The following CTNNA3 variants were observed in gnomAD, a reference collection of about 807,000 sequenced individuals.
CTNNA3 encodes catenin alpha 3, also known as catenin alpha-3.
CTNNA3 carries 76 observed loss-of-function variants against 95.7 expected under a neutral mutation model. That is an observed-to-expected ratio of 0.79 (90% CI 0.66 to 0.96). The LOEUF is 0.96. CTNNA3 is among the 40% of genes least tolerant of loss of function. The pLI is 0.00. For missense variants in CTNNA3, 1,191 were observed against 1,089.8 expected, an observed-to-expected ratio of 1.09 and a Z score of -1.31; for synonymous variants, 431 against 374.4, an observed-to-expected ratio of 1.15 and a Z score of -1.74.
intron 13 of CTNNA3, among the ~76,000 whole-genome samples, chr10:66,191,742 T>G (rs1191740066): frequency 6.6e-6 from 1 of 152,140 alleles, no homozygotes; most frequent in Non-Finnish European, 1.5e-5. Context: ...CTATTGAAAA[T>G]GACTCTTCTT....
chr10:67,251,021 A>T (rs1866087643), intron 5 of CTNNA3, among the ~76,000 whole-genome samples: 1 of 152,212 alleles, frequency 6.6e-6, no homozygotes, highest in Non-Finnish European at 1.5e-5. Context: ...CCACATAAAA[A>T]CTTGTACATG....
intron 14 of CTNNA3, among the ~76,000 whole-genome samples, chr10:66,084,600 A>T (rs1415604808): frequency 6.6e-6 from 1 of 152,140 alleles, no homozygotes; most frequent in Non-Finnish European, 1.5e-5. Context: ...AAATTCTTAG[A>T]AAAAGGACTC....
intron 17 of CTNNA3, among the ~76,000 whole-genome samples, chr10:65,929,856 G>C (rs1038464131): frequency 6.6e-6 from 1 of 152,010 alleles, no homozygotes; most frequent in Non-Finnish European, 1.5e-5. Flanking sequence ...GTGAGCCACC[G>C]TGCCTGGCCA....
chr10:67,391,083 G>A (rs1439854239), intron 5 of CTNNA3, among the ~76,000 whole-genome samples: 1 of 150,512 alleles, frequency 6.6e-6, no homozygotes, highest in East Asian at 1.9e-4. Context: ...AGGAAATAAA[G>A]GGTATTCAAT....
At chr10:66,150,631 C>A (rs760878122) in intron 13 of CTNNA3, among the ~76,000 whole-genome samples, 11 of 151,734 alleles carry the variant, frequency 7.2e-5, no homozygotes, top group Non-Finnish European at 1.5e-4. Context: ...TTTATCATTT[C>A]CTTGTGTTGG....
chr10:67,673,573 G>T (rs1311288081), intron 1 of CTNNA3, among the ~76,000 whole-genome samples: 55 of 147,296 alleles, frequency 3.7e-4, no homozygotes, highest in Non-Finnish European at 6.4e-4. Flanking sequence ...AGCATGAAGG[G>T]TTGTTGAATT....
intron 9 of CTNNA3, among the ~76,000 whole-genome samples, chr10:66,735,597 T>C (rs544033713): frequency 6.6e-6 from 1 of 152,274 alleles, no homozygotes; most frequent in South Asian, 2.1e-4. Flanking sequence ...TGATTCACTA[T>C]GGGTCAGTCT....
intron 4 of CTNNA3, among the ~76,000 whole-genome samples, chr10:67,537,632 G>C (rs10997700): frequency 0.11 from 16,056 of 152,004 alleles, 1,709 homozygotes; most frequent in African/African-American, 0.28. Context: ...CCTCCTAATT[G>C]GTTATGAAGG....
At position 67,521,908 on chromosome 10, in the gene CTNNA3, C is replaced by A; in HGVS notation, c.513G>T (p.Gln171His). The A allele has an allele frequency of 6.2e-7, 1 of 1,613,000 alleles. No homozygotes were observed. Among genetic ancestry groups the A allele is most frequent in the Non-Finnish European group, 8.5e-7 (1 of 1,179,210 alleles). The change falls in exon 5 of 18, where the codon CAG becomes CAT. Residue 171 changes from glutamine to histidine, a missense_variant. Transcript: ENST00000433211. ...CCTTCCCAAGCTTCTGGTAGGTTTT[C>A]TGGAGGTCAGATTTGTTGGCAACAT... Reference protein sequence around the residue: ...LKNVANKSDLQKTYQKLGKEL... With the variant: ...LKNVANKSDLHKTYQKLGKEL...
intron 15 of CTNNA3, among the ~76,000 whole-genome samples, chr10:66,063,207 T>G (rs1348868692): frequency 3.4e-5 from 4 of 118,318 alleles, no homozygotes; most frequent in Admixed American, 8.8e-5. Flanking sequence ...TATATATATA[T>G]ATATATAGAT....
At chr10:66,083,934 G>A (rs541595097) in intron 14 of CTNNA3, among the ~76,000 whole-genome samples, 1 of 152,010 alleles carries the variant, frequency 6.6e-6, no homozygotes, top group Non-Finnish European at 1.5e-5. Flanking sequence ...TTGGGAATTC[G>A]AGACCAGCCT....
chr10:66,931,192 TAAAAAAAAA>T (rs3056552), intron 7 of CTNNA3, among the ~76,000 whole-genome samples: 2 of 118,714 alleles, frequency 1.7e-5, no homozygotes, highest in African/African-American at 6.4e-5. Context: ...TGACAACAGT[TAAAAAAAAA>T]AAAAAAAAAA....
rs1467860410 is a variant in CTNNA3, at chr10:67,727,851, T to C, written c.-2+35583A>G. ...ATTACATATAATATAGTATATATCA[T>C]ATATTATATTATGTATAATATAGTA... On this transcript the variant is annotated intron_variant, in intron 1 of 17. Transcript: ENST00000684154. Among the ~76,000 whole-genome samples, 308 of 128,702 alleles carry C rather than the reference T, an allele frequency of 2.4e-3. 1 individual carries two copies. The highest frequency in any genetic ancestry group is 8.8e-3 in the African/African-American group (288 of 32,760). 84.4% of individuals were successfully genotyped at this position (128,702 alleles called of 152,430 possible). A position where few individuals can be genotyped will look rare whatever the true frequency, so the allele number is the denominator to read the frequency against.
chr10:66,925,568 T>C (rs976952726), intron 7 of CTNNA3, among the ~76,000 whole-genome samples: 14 of 152,200 alleles, frequency 9.2e-5, no homozygotes, highest in African/African-American at 3.1e-4. Context: ...TATTCCAAAA[T>C]GTTTGTGTTC....
At chr10:66,701,200 A>C (rs113624382) in intron 9 of CTNNA3, among the ~76,000 whole-genome samples, 2 of 152,134 alleles carry the variant, frequency 1.3e-5, no homozygotes, top group African/African-American at 2.4e-5. Context: ...TATGGACTCT[A>C]GTCATTTCTA....
At chr10:67,722,226 C>T (rs1841183278) in intron 1 of CTNNA3, among the ~76,000 whole-genome samples, 1 of 152,164 alleles carries the variant, frequency 6.6e-6, no homozygotes, top group African/African-American at 2.4e-5. Context: ...CAGAATTTCA[C>T]AGGATCTCTG....
chr10:66,606,662 TC>T, intron 10 of CTNNA3, among the ~76,000 whole-genome samples: 1 of 152,116 alleles, frequency 6.6e-6, no homozygotes, highest in South Asian at 2.1e-4. Flanking sequence ...AATAACCTAC[TC>T]CCAAATGGCT....
At chr10:67,139,858 A>C (rs1860471798) in intron 7 of CTNNA3, among the ~76,000 whole-genome samples, 1 of 152,208 alleles carries the variant, frequency 6.6e-6, no homozygotes, top group Non-Finnish European at 1.5e-5. Context: ...AAAAAAATGT[A>C]ATGCTTAAAC....
At chr10:66,530,841 T>C (rs1841441284) in intron 10 of CTNNA3, among the ~76,000 whole-genome samples, 1 of 152,128 alleles carries the variant, frequency 6.6e-6, no homozygotes, top group African/African-American at 2.4e-5. Context: ...GCTATCCTAT[T>C]CTAGGGGTTA....
Sources: gnomAD v4.1 joint callset for allele counts (sites outside exome capture counted in the v4.1 genomes callset) on GRCh38, gnomAD v4.1.1 for gene constraint, MANE v1.5 for transcripts, NCBI Gene and HGNC (gene_info 2026-07-23, HGNC 2026-07-21) for gene names.